Variants in PTPRM observed in about 807,000 individuals in gnomAD.
PTPRM encodes receptor-type tyrosine-protein phosphatase mu.
In PTPRM, 47 loss-of-function variants were observed where a neutral mutation model predicts 186.7. The ratio of observed to expected loss-of-function variants is 0.25; its 90% CI spans 0.20 to 0.32. PTPRM has a LOEUF of 0.32. Ranked by LOEUF, PTPRM falls within the 10% of genes least tolerant of loss-of-function variation. The probability of loss-of-function intolerance (pLI) is 1.00; values close to 1 mark genes in which losing one functional copy is unlikely to be tolerated. For missense variants in PTPRM, 1,494 were observed against 1,865.0 expected, an observed-to-expected ratio of 0.80 and a Z score of 3.66; for synonymous variants, 668 against 674.9, an observed-to-expected ratio of 0.99 and a Z score of 0.16.
intron 1 of PTPRM, among the ~76,000 whole-genome samples, chr18:7,627,066 C>T (rs1193100693): frequency 1.3e-5 from 2 of 152,032 alleles, no homozygotes; most frequent in Non-Finnish European, 2.9e-5. Context: ...CTTCCCTGGT[C>T]TCCTTCCTCT....
intron 8 of PTPRM, 109 bp from the exon 9 acceptor site, chr18:8,076,346 T>G: frequency 1.5e-6 from 1 of 675,102 alleles, no homozygotes; most frequent in Non-Finnish European, 2.6e-6. Flanking sequence ...AGTATATGTG[T>G]GGACTATTAA....
chr18:8,283,402 C>T (rs2094925030), intron 19 of PTPRM, among the ~76,000 whole-genome samples: 1 of 152,148 alleles, frequency 6.6e-6, no homozygotes, highest in Non-Finnish European at 1.5e-5. Context: ...TTAATTAACT[C>T]ACTGGTGATT....
At chr18:8,146,149 C>G (rs2092880570) in intron 14 of PTPRM, among the ~76,000 whole-genome samples, 1 of 151,780 alleles carries the variant, frequency 6.6e-6, no homozygotes, top group African/African-American at 2.4e-5. Context: ...CTGCCTCAGC[C>G]TCCTCAGTAG....
chr18:8,320,325 G>A (rs1043823337), intron 22 of PTPRM, among the ~76,000 whole-genome samples: 1 of 152,110 alleles, frequency 6.6e-6, no homozygotes, highest in Admixed American at 6.5e-5. Context: ...CGTGAGGAGA[G>A]GGAAGGAGTT....
rs140682662 is a variant in PTPRM at position 7,866,569 on chromosome 18, C to T, written c.197-21537C>T. 1.5e-3 allele frequency among the ~76,000 whole-genome samples: 233 copies of T among 152,080 alleles called. 1 individual carries two copies. Among genetic ancestry groups the T allele is most frequent in the African/African-American group, 5.3e-3 (221 of 41,478 alleles). On this transcript the variant is annotated intron_variant, in intron 2 of 32. Coordinates refer to ENST00000580170, the MANE Select transcript of PTPRM (RefSeq NM_001105244.2). ...CTGAGAGACTGTTTGTTATGATTTC[C>T]GTTCTTTTGCATATGCTGAGGAGTG... is the stretch of plus-strand genomic sequence containing the variant.
intron 11 of PTPRM, among the ~76,000 whole-genome samples, chr18:8,110,576 C>T (rs2091709225): frequency 6.6e-6 from 1 of 152,092 alleles, no homozygotes; most frequent in Non-Finnish European, 1.5e-5. Flanking sequence ...GAGCTCCTTG[C>T]AGGTTGAGAG....
intron 4 of PTPRM, among the ~76,000 whole-genome samples, chr18:7,913,418 C>T (rs1449661013): frequency 1.3e-5 from 2 of 152,162 alleles, no homozygotes; most frequent in African/African-American, 4.8e-5. Flanking sequence ...TGTTCCTCAT[C>T]TTAGGAGGAA....
At chr18:8,401,358 G>A (rs761941391) in intron 32 of PTPRM, among the ~76,000 whole-genome samples, 2 of 152,220 alleles carry the variant, frequency 1.3e-5, no homozygotes, top group Non-Finnish European at 2.9e-5. Flanking sequence ...GGGACATGCT[G>A]CTGTCTCGCT....
At chr18:8,146,216 G>T (rs576892759) in intron 14 of PTPRM, among the ~76,000 whole-genome samples, 1 of 151,916 alleles carries the variant, frequency 6.6e-6, no homozygotes, top group African/African-American at 2.4e-5. Flanking sequence ...TAGAGACAGG[G>T]TTTCTCCATG....
chr18:7,876,489 G>A (rs1347537942), intron 2 of PTPRM, among the ~76,000 whole-genome samples: 1 of 152,148 alleles, frequency 6.6e-6, no homozygotes, highest in East Asian at 1.9e-4. Flanking sequence ...GTCAGCAGTT[G>A]GGGCTGGGCT....
chr18:7,860,288 G>C (rs2047305442), intron 2 of PTPRM, among the ~76,000 whole-genome samples: 1 of 152,094 alleles, frequency 6.6e-6, no homozygotes, highest in Non-Finnish European at 1.5e-5. Flanking sequence ...GGCTAGGCTG[G>C]CCTTGAACTT....
chr18:8,380,856 G>A (rs965038282), intron 29 of PTPRM, among the ~76,000 whole-genome samples: 1 of 152,158 alleles, frequency 6.6e-6, no homozygotes, highest in African/African-American at 2.4e-5. Context: ...TGGAGTGACT[G>A]TGTGCTTCCT....
At position 7,676,643 on chromosome 18, in the gene PTPRM, GTGTGTGTGTGTGTGTGTGTA is replaced by G. The variant is rs1324835318; in HGVS notation, c.74-97486_74-97467del. ...AGATTCTAGCTGTGTGTGTGTGTGTGTGTGTGTGTGTGTGTGTGTATGTGTGTGTGTGTGTGTGTGTGTGT... is the reference window on the plus strand; with the variant it reads ...AGATTCTAGCTGTGTGTGTGTGTGTGTGTGTGTGTGTGTGTGTGTGTGTGT... On this transcript the variant is annotated intron_variant, in intron 1 of 32. Transcript: ENST00000580170. Among the ~76,000 whole-genome samples, 105 of 139,284 alleles carry G rather than the reference GTGTGTGTGTGTGTGTGTGTA, an allele frequency of 7.5e-4. 1 individual carries two copies. Among genetic ancestry groups the G allele is most frequent in the Middle Eastern group, 3.5e-3 (1 of 284 alleles). The allele number at this position is 139,284 out of a possible 152,430, so 91.4% of individuals were successfully genotyped here.
chr18:7,949,147 C>A, intron 5 of PTPRM, 34 bp from the exon 6 acceptor site: 1 of 1,523,412 alleles, frequency 6.6e-7, no homozygotes. Context: ...GCTTATATTG[C>A]TTCTTTTTGT....
chr18:7,837,873 G>A (rs541057465), intron 2 of PTPRM, among the ~76,000 whole-genome samples: 16 of 152,218 alleles, frequency 1.1e-4, no homozygotes, highest in South Asian at 4.2e-4. Flanking sequence ...ATCTGTATCC[G>A]GGCATGGAAG....
At chr18:7,953,561 A>G (rs1033243749) in intron 6 of PTPRM, among the ~76,000 whole-genome samples, 3 of 152,204 alleles carry the variant, frequency 2.0e-5, no homozygotes, top group African/African-American at 7.2e-5. Flanking sequence ...AGGAAAATTC[A>G]TTCACAGTTT....
intron 5 of PTPRM, among the ~76,000 whole-genome samples, chr18:7,935,958 A>G (rs753107515): frequency 1.3e-5 from 2 of 152,200 alleles, no homozygotes; most frequent in Non-Finnish European, 2.9e-5. Context: ...GGCCCTACAA[A>G]CCATACATTC....
chr18:8,379,242 A>G lies in PTPRM; in HGVS notation c.3688A>G (p.Asn1230Asp). The G allele has an allele frequency of 6.2e-7, 1 of 1,614,014 alleles. No homozygotes were observed. Among genetic ancestry groups the G allele is most frequent in the Non-Finnish European group, 8.5e-7 (1 of 1,179,968 alleles). Residue 1230 changes from asparagine (N) to aspartate (D), a missense_variant, in exon 28 of 33, where the codon AAC (asparagine) becomes GAC (aspartate). By Grantham distance (23) the Asn-to-Asp change is conservative (BLOSUM62 1). Transcript: ENST00000580170. The part of the protein sequence containing the change: ...IALLPRNHEK[N>D]RCMDILPPDR... ...ACTGTTGCCCCGGAACCATGAGAAA[A>G]ACCGGTGCATGGACATCCTGCCCCC...
chr18:7,788,333 A>G (rs28502140), intron 2 of PTPRM, among the ~76,000 whole-genome samples: 9,876 of 152,246 alleles, frequency 0.065, 929 homozygotes, highest in African/African-American at 0.21. Context: ...GTATGAAGCC[A>G]CATAACTGTA....
Sources: allele counts gnomAD v4.1 joint callset (sites outside exome capture counted in the v4.1 genomes callset), GRCh38; gene constraint gnomAD v4.1.1; transcripts MANE v1.5; gene names NCBI Gene and HGNC (gene_info 2026-07-23, HGNC 2026-07-21).